Variants in AGO2 observed in about 807,000 individuals in gnomAD.
The protein encoded by AGO2 is argonaute RISC catalytic component 2.
Under a neutral mutation model 102.3 loss-of-function variants are expected in AGO2, and 5 were observed. The ratio of observed to expected loss-of-function variants is 0.05; its 90% confidence interval spans 0.03 to 0.10. The LOEUF (loss-of-function observed/expected upper bound fraction) is 0.10, where lower values mean the gene tolerates loss of function less well. Ranked by LOEUF, AGO2 falls within the 10% of genes least tolerant of loss-of-function variation. The probability of loss-of-function intolerance (pLI) is 1.00; values close to 1 mark genes in which losing one functional copy is unlikely to be tolerated. For synonymous variants in AGO2, 449 were observed against 473.1 expected (o/e 0.95, Z 0.66); for missense variants, 541 against 1,183.7 (o/e 0.46, Z 7.97).
rs3735794 is a variant in AGO2, at chr8:140,524,741, A to G, written c.*7303T>C. Reference sequence around the variant, plus strand: ...CAGAGGGACCTGCCGTCTCCCACCCAAGACTGCGCACACAACTCCCAGAGT... The same window carrying G: ...CAGAGGGACCTGCCGTCTCCCACCCGAGACTGCGCACACAACTCCCAGAGT... On this transcript the variant is annotated 3_prime_UTR_variant, in exon 19 of 19. Transcript: ENST00000220592. 11,984 of 152,060 alleles carry G rather than the reference A, an allele frequency of 0.079. 533 individuals carry two copies. The highest frequency in any genetic ancestry group is 0.13 in the African/African-American group (5,274 of 41,318). The allele number at this position is 152,060 out of a possible 1,614,324, so 9.4% of individuals were successfully genotyped here.
intron 14 of AGO2, among the ~76,000 whole-genome samples, chr8:140,542,530 G>A (rs1480375851): frequency 6.6e-6 from 1 of 151,252 alleles, no homozygotes; most frequent in Non-Finnish European, 1.5e-5. Flanking sequence ...AGAATTGTGG[G>A]GATAGGGGAT....
At chr8:140,624,715 G>A (rs376089489) in intron 1 of AGO2, among the ~76,000 whole-genome samples, 1 of 152,350 alleles carries the variant, frequency 6.6e-6, no homozygotes, top group African/African-American at 2.4e-5. Context: ...GTTGGACTTC[G>A]GATGCCGGAC....
chr8:140,625,952 T>C (rs1036674514), intron 1 of AGO2, among the ~76,000 whole-genome samples: 6 of 152,248 alleles, frequency 3.9e-5, no homozygotes, highest in Non-Finnish European at 5.9e-5. Context: ...CTTTAGCATC[T>C]GGCAAACTGC....
chr8:140,565,652 A>G (rs371056400), intron 3 of AGO2, among the ~76,000 whole-genome samples: 7 of 150,322 alleles, frequency 4.7e-5, no homozygotes, highest in East Asian at 3.9e-4. Context: ...AAAAAAAAAA[A>G]AAGAAGAAGA....
At chr8:140,607,834 G>A (rs1009194144) in intron 1 of AGO2, among the ~76,000 whole-genome samples, 5 of 152,108 alleles carry the variant, frequency 3.3e-5, no homozygotes, top group African/African-American at 1.2e-4. Flanking sequence ...TCCAGGCGAT[G>A]GAAACGTCTG....
intron 2 of AGO2, among the ~76,000 whole-genome samples, chr8:140,579,094 G>T (rs188881491): frequency 6.6e-6 from 1 of 152,088 alleles, no homozygotes; most frequent in Non-Finnish European, 1.5e-5. Context: ...GTGGTGGTGC[G>T]CGCCTGTGGT....
In AGO2 at chr8:140,535,954, C is replaced by T. The variant is rs565888739; in HGVS notation, c.2170-385G>A. Among the ~76,000 whole-genome samples, 7 of 152,292 alleles carry T rather than the reference C, an allele frequency of 4.6e-5. No individual in the cohort carries two copies. The South Asian group carries it at 8.3e-4, about 18-fold the overall frequency. On this transcript the variant is annotated intron_variant, in intron 16 of 18. Coordinates refer to ENST00000220592, the MANE Select transcript of AGO2 (RefSeq NM_012154.5). The stretch of plus-strand genomic sequence containing the variant: ...TAAAGCTAAACCAGGTGACTGGCTG[C>T]GGACAAGCCATCATCCAAGCACAAG...
intron 1 of AGO2, among the ~76,000 whole-genome samples, chr8:140,613,978 C>G (rs761578097): frequency 7.1e-6 from 1 of 141,062 alleles, no homozygotes; most frequent in Admixed American, 7.6e-5. Context: ...TCATCCCCAA[C>G]GCACTCCAGC....
intron 14 of AGO2, among the ~76,000 whole-genome samples, chr8:140,542,596 T>TA (rs943565626): frequency 6.9e-6 from 1 of 145,946 alleles, no homozygotes; most frequent in African/African-American, 2.5e-5. Flanking sequence ...AAAACCAGCC[T>TA]AAGGCTCCAA....
intron 1 of AGO2, among the ~76,000 whole-genome samples, chr8:140,631,602 G>A (rs981050989): frequency 6.6e-6 from 1 of 152,076 alleles, no homozygotes; most frequent in Non-Finnish European, 1.5e-5. Context: ...AGAAGAGAGA[G>A]GGTGGGCTAG....
At chr8:140,552,740 G>GCGCGCACACA (rs111262864) in intron 10 of AGO2, among the ~76,000 whole-genome samples, 80 of 130,960 alleles carry the variant, frequency 6.1e-4, no homozygotes, top group African/African-American at 2.2e-3. Flanking sequence ...GCGCGCGCGC[G>GCGCGCACACA]CACACACACA....
chr8:140,549,068 G>T (rs2072950883), intron 12 of AGO2, 46 bp downstream of exon 12: 1 of 1,550,844 alleles, frequency 6.4e-7, no homozygotes, highest in African/African-American at 1.4e-5. Context: ...AACACCCACG[G>T]AGACCACGAC....
At chr8:140,597,349 A>G (rs542190444) in intron 1 of AGO2, among the ~76,000 whole-genome samples, 26 of 152,280 alleles carry the variant, frequency 1.7e-4, no homozygotes, top group African/African-American at 6.0e-4. Context: ...GATGCAGGGC[A>G]GCGTGGGCAG....
chr8:140,533,000 CAAAA>C (rs35812545), intron 17 of AGO2, among the ~76,000 whole-genome samples: 2 of 111,930 alleles, frequency 1.8e-5, no homozygotes. Context: ...TCCTCTGTCT[CAAAA>C]AAAAAAAAAA....
At chr8:140,600,680 C>CA (rs34175261) in intron 1 of AGO2, among the ~76,000 whole-genome samples, 10,391 of 129,080 alleles carry the variant, frequency 0.081, 860 homozygotes, top group African/African-American at 0.22. Context: ...AACTCCGTGT[C>CA]AAAAAAAAAA....
upstream of AGO2, among the ~76,000 whole-genome samples, chr8:140,639,151 A>T (rs1363995172): frequency 1.3e-5 from 2 of 152,230 alleles, no homozygotes; most frequent in Non-Finnish European, 2.9e-5. Flanking sequence ...TACAAGTGTG[A>T]GACACTATGC....
chr8:140,624,008 G>GGAA (rs2074245792), intron 1 of AGO2, among the ~76,000 whole-genome samples: 1 of 151,936 alleles, frequency 6.6e-6, no homozygotes, highest in South Asian at 2.1e-4. Flanking sequence ...GATGGAGACA[G>GGAA]GACAGGAGAG....
chr8:140,581,819 A>G lies in AGO2; in HGVS notation c.215+3300T>C, dbSNP rs188716370. Among the ~76,000 whole-genome samples, 489 of 152,364 alleles carry G rather than the reference A, an allele frequency of 3.2e-3. 3 individuals carry two copies. The highest frequency in any genetic ancestry group is 0.011 in the African/African-American group (450 of 41,586). On this transcript the variant is annotated intron_variant, in intron 2 of 18. Coordinates refer to ENST00000220592, the MANE Select transcript of AGO2 (RefSeq NM_012154.5). Reference sequence around the variant, plus strand: ...CAACATACTCTGGACATGTTGAGTGAATCCAACTGTTTAGTTTTACAGATA... The same window carrying G: ...CAACATACTCTGGACATGTTGAGTGGATCCAACTGTTTAGTTTTACAGATA...
intron 1 of AGO2, among the ~76,000 whole-genome samples, chr8:140,601,456 GTC>G (rs1362489119): frequency 6.6e-6 from 1 of 152,200 alleles, no homozygotes; most frequent in Non-Finnish European, 1.5e-5. Flanking sequence ...AAAGAGAAAT[GTC>G]TCTGTTTCTG....
Sources: gnomAD v4.1 joint callset for allele counts (sites outside exome capture counted in the v4.1 genomes callset) on GRCh38, gnomAD v4.1.1 for gene constraint, MANE v1.5 for transcripts, NCBI Gene and HGNC (gene_info 2026-07-23, HGNC 2026-07-21) for gene names.